The following GPHN variants were observed in gnomAD, a reference collection of about 807,000 sequenced individuals.
The protein encoded by GPHN is gephyrin.
A neutral mutation model predicts 95.5 loss-of-function variants in GPHN; 17 were observed. That is an observed-to-expected ratio of 0.18 (90% CI 0.12 to 0.27). The LOEUF is 0.27. Among genes scored for constraint, GPHN ranks in the 10% least tolerant of loss-of-function variants. GPHN has a pLI of 1.00. For missense variants in GPHN, 660 were observed against 978.1 expected (o/e 0.67, Z 4.34); for synonymous variants, 320 against 322.5 (o/e 0.99, Z 0.08).
the GPHN span, chr14:67,617,091 G>C: frequency 6.6e-6 from 1 of 152,120 alleles, no homozygotes; most frequent in East Asian, 1.9e-4. Context: ...TGGCCAGACT[G>C]GTCTCAAACT....
chr14:66,816,995 G>A (rs2060996769), intron 3 of GPHN, among the ~76,000 whole-genome samples: 1 of 151,942 alleles, frequency 6.6e-6, no homozygotes, highest in African/African-American at 2.4e-5. Context: ...CTGTAATCAT[G>A]TTTTTTATTG....
At chr14:66,901,918 CA>C (rs2065145203) in intron 5 of GPHN, among the ~76,000 whole-genome samples, 1 of 151,860 alleles carries the variant, frequency 6.6e-6, no homozygotes, top group Non-Finnish European at 1.5e-5. Flanking sequence ...TGGAAAATGT[CA>C]TTGATATTTT....
chr14:67,434,705 G>A, the GPHN span, among the ~76,000 whole-genome samples: 1 of 152,190 alleles, frequency 6.6e-6, no homozygotes, highest in Non-Finnish European at 1.5e-5. Flanking sequence ...ACAGCAGAGA[G>A]AACACCAAAC....
intron 3 of GPHN, among the ~76,000 whole-genome samples, chr14:66,815,555 C>T (rs2060928202): frequency 6.6e-6 from 1 of 152,098 alleles, no homozygotes; most frequent in African/African-American, 2.4e-5. Context: ...TCATATCCAT[C>T]CAAACTAAAC....
At chr14:66,829,485 T>C (rs2061503240) in intron 4 of GPHN, among the ~76,000 whole-genome samples, 1 of 152,190 alleles carries the variant, frequency 6.6e-6, no homozygotes, top group African/African-American at 2.4e-5. Flanking sequence ...GAAACTCATT[T>C]CTATACAAAG....
the GPHN span, among the ~76,000 whole-genome samples, chr14:67,700,631 C>G: frequency 6.6e-6 from 1 of 150,510 alleles, no homozygotes; most frequent in African/African-American, 2.5e-5. Flanking sequence ...AGGAGAATGG[C>G]GTGAACCTGG....
At chr14:67,473,410 C>A in the GPHN span, 1 of 1,611,304 alleles carries the variant, frequency 6.2e-7, no homozygotes, top group Non-Finnish European at 8.5e-7. The surrounding 1 kb of genome is among the most constrained non-coding windows in gnomAD (Gnocchi z 6.5). Flanking sequence ...GCCCCCCACC[C>A]GCTTCCTGCT....
At chr14:67,187,283 A>T in the GPHN span, among the ~76,000 whole-genome samples, 10 of 152,158 alleles carry the variant, frequency 6.6e-5, no homozygotes, top group African/African-American at 2.2e-4. Context: ...GCAAACAAGC[A>T]CCTCATTCTT....
At chr14:67,105,562 A>G (rs1405236654) in intron 13 of GPHN, among the ~76,000 whole-genome samples, 2 of 152,116 alleles carry the variant, frequency 1.3e-5, no homozygotes, top group Admixed American at 6.5e-5. Flanking sequence ...TGATAAATTG[A>G]TCCCTTTATA....
chr14:66,599,454 T>C (rs186456680), intron 1 of GPHN, among the ~76,000 whole-genome samples: 1 of 150,064 alleles, frequency 6.7e-6, no homozygotes, highest in Admixed American at 6.7e-5. Context: ...CGTTATACAG[T>C]CTTCTCGATT....
At chr14:67,732,348 G>T in the GPHN span, among the ~76,000 whole-genome samples, 1 of 150,160 alleles carries the variant, frequency 6.7e-6, no homozygotes, top group Non-Finnish European at 1.5e-5. Flanking sequence ...TAAGGTGGGA[G>T]GATGGCTTCA....
chr14:66,974,671 A>C (rs2070090193), intron 9 of GPHN, among the ~76,000 whole-genome samples: 1 of 152,078 alleles, frequency 6.6e-6, no homozygotes, highest in African/African-American at 2.4e-5. Flanking sequence ...CATTTGGAAA[A>C]AATTTTTAAA....
At chr14:66,710,553 T>C (rs2069520535) in intron 2 of GPHN, among the ~76,000 whole-genome samples, 3 of 152,202 alleles carry the variant, frequency 2.0e-5, no homozygotes, top group South Asian at 2.1e-4. Flanking sequence ...TATTTTATAC[T>C]GTTTTATTTT....
At position 66,620,476 on chromosome 14, in the gene GPHN, A is replaced by G. The variant is rs116030402; in HGVS notation, c.65-60631A>G. Among the ~76,000 whole-genome samples the G allele has an allele frequency of 4.1e-3, 615 of 151,274 alleles. 3 individuals carry two copies. The highest frequency in any genetic ancestry group is 0.014 in the African/African-American group (559 of 41,204). ...GCAAAGAGTGAACCTGTGTAGAAAA[A>G]CTCCCATTTTTAAAACCATCAGACC... is the stretch of plus-strand genomic sequence containing the variant. On this transcript the variant is annotated intron_variant, in intron 1 of 22. Transcript: ENST00000478722.
chr14:67,105,251 A>C (rs541437306), intron 13 of GPHN, among the ~76,000 whole-genome samples: 112 of 152,108 alleles, frequency 7.4e-4, no homozygotes, highest in Non-Finnish European at 1.4e-3. Flanking sequence ...TTTGTGGCCT[A>C]ATATGGTCTA....
chr14:67,353,479 TTTGTTG>T, the GPHN span, among the ~76,000 whole-genome samples: 41 of 151,598 alleles, frequency 2.7e-4, no homozygotes, highest in African/African-American at 9.2e-4. Flanking sequence ...CAAGACTCCT[TTTGTTG>T]TTGTTGTTGT....
chr14:66,809,421 G>A (rs1387487140), intron 3 of GPHN, among the ~76,000 whole-genome samples: 1 of 152,072 alleles, frequency 6.6e-6, no homozygotes, highest in Non-Finnish European at 1.5e-5. Flanking sequence ...TGTTTGTAAA[G>A]TACTTAGCAA....
the GPHN span, chr14:67,587,051 T>C: frequency 3.8e-6 from 6 of 1,563,910 alleles, no homozygotes; most frequent in African/African-American, 4.1e-5. Flanking sequence ...TTCAATTCCT[T>C]CACATCTCTG....
intron 8 of GPHN, among the ~76,000 whole-genome samples, chr14:66,935,212 A>G (rs1475786069): frequency 6.6e-6 from 1 of 152,200 alleles, no homozygotes; most frequent in Non-Finnish European, 1.5e-5. Context: ...GAAAGAATTT[A>G]AGACAAAGAG....
Sources: gnomAD v4.1 joint callset for allele counts (sites outside exome capture counted in the v4.1 genomes callset) on GRCh38, gnomAD v4.1.1 for gene constraint, Gnocchi (gnomAD v3.1) non-coding constraint, MANE v1.5 for transcripts, NCBI Gene and HGNC (gene_info 2026-07-23, HGNC 2026-07-21) for gene names.